SPATS2L: variants seen among roughly 807,000 people sequenced by gnomAD.
SPATS2L encodes the protein spermatogenesis associated serine rich 2 like.
In SPATS2L, 30 loss-of-function variants were observed where a neutral mutation model predicts 59.6. That is an observed-to-expected ratio of 0.50 (90% CI 0.38 to 0.68). The LOEUF is 0.68. Ranked by LOEUF, SPATS2L falls within the 30% of genes least tolerant of loss-of-function variation. The pLI, the probability that SPATS2L is intolerant of heterozygous loss-of-function variation, is 0.00. For synonymous variants in SPATS2L, 252 were observed against 263.5 expected (o/e 0.96, Z 0.42); for missense variants, 615 against 700.0 (o/e 0.88, Z 1.37).
intron 2 of SPATS2L, among the ~76,000 whole-genome samples, chr2:200,367,916 G>A (rs1238408065): frequency 6.6e-6 from 1 of 152,192 alleles, no homozygotes; most frequent in Non-Finnish European, 1.5e-5. Flanking sequence ...TTTGTCTCAT[G>A]GTTCTGATTT....
intron 2 of SPATS2L, among the ~76,000 whole-genome samples, chr2:200,379,109 C>T (rs149946337): frequency 6.6e-6 from 1 of 152,298 alleles, no homozygotes; most frequent in Non-Finnish European, 1.5e-5. Context: ...TCCTTCCCCA[C>T]TTCCTTGCCT....
intron 9 of SPATS2L, chr2:200,461,425 A>G (rs2086233403): frequency 6.6e-6 from 1 of 152,208 alleles, no homozygotes; most frequent in South Asian, 2.1e-4. Context: ...AAGAATTACC[A>G]TCTTAAATAG....
At chr2:200,350,703 G>C (rs1409508845) in intron 2 of SPATS2L, among the ~76,000 whole-genome samples, 1 of 151,768 alleles carries the variant, frequency 6.6e-6, no homozygotes, top group Non-Finnish European at 1.5e-5. Context: ...TTTTTTGTTT[G>C]TTTGTTTTTT....
chr2:200,474,155 G>T (rs998815491), intron 12 of SPATS2L, among the ~76,000 whole-genome samples: 4 of 148,888 alleles, frequency 2.7e-5, no homozygotes, highest in Non-Finnish European at 5.9e-5. Context: ...CAGGTGTCTT[G>T]TTGGGTTTTG....
intron 8 of SPATS2L, among the ~76,000 whole-genome samples, chr2:200,455,635 G>T (rs1329149772): frequency 6.6e-6 from 1 of 152,196 alleles, no homozygotes; most frequent in Non-Finnish European, 1.5e-5. Flanking sequence ...GTAGGAATGT[G>T]GTTGATGATA....
Position 200,327,278 on chromosome 2 carries a change from CCTGT to C in SPATS2L, c.-72-2152_-72-2149del, listed in dbSNP as rs575778629. Among the ~76,000 whole-genome samples the C allele has an allele frequency of 1.1e-4, 17 of 152,056 alleles. 1 individual carries two copies. The South Asian group carries it at 3.5e-3, about 32-fold the overall frequency. On this transcript the variant is annotated intron_variant, in intron 1 of 12. Transcript: ENST00000409140. ...AATTAGCCCAGTGTGGTGGCATGCACCTGTAATCCCAGCTACTTGAGAGGCCAAG... is the reference window on the plus strand; with the variant it reads ...AATTAGCCCAGTGTGGTGGCATGCACAATCCCAGCTACTTGAGAGGCCAAG...
At chr2:200,327,546 CTT>C (rs2079794840) in intron 1 of SPATS2L, among the ~76,000 whole-genome samples, 1 of 152,168 alleles carries the variant, frequency 6.6e-6, no homozygotes, top group African/African-American at 2.4e-5. Context: ...GTCTAAAAGT[CTT>C]TATTAAAAAT....
At chr2:200,379,560 A>G (rs957951941) in intron 2 of SPATS2L, among the ~76,000 whole-genome samples, 1 of 152,196 alleles carries the variant, frequency 6.6e-6, no homozygotes, top group Non-Finnish European at 1.5e-5. Flanking sequence ...GAAAGGAAGA[A>G]AGGGAACACA....
At chr2:200,344,307 G>C (rs778175362) in intron 2 of SPATS2L, among the ~76,000 whole-genome samples, 1 of 152,094 alleles carries the variant, frequency 6.6e-6, no homozygotes, top group Non-Finnish European at 1.5e-5. Context: ...ACTTATAAGT[G>C]AGAACACACA....
intron 2 of SPATS2L, among the ~76,000 whole-genome samples, chr2:200,334,318 T>C (rs2080063111): frequency 6.6e-6 from 1 of 152,248 alleles, no homozygotes; most frequent in Non-Finnish European, 1.5e-5. Flanking sequence ...TTTTGAGAAG[T>C]GTCTGTTCAT....
intron 8 of SPATS2L, among the ~76,000 whole-genome samples, chr2:200,448,968 T>C (rs1026704975): frequency 1.3e-5 from 2 of 152,114 alleles, no homozygotes; most frequent in Admixed American, 6.5e-5. Flanking sequence ...TAAACCGAAA[T>C]AAGCTCCGGG....
intron 1 of SPATS2L, among the ~76,000 whole-genome samples, chr2:200,325,003 G>C (rs1450913506): frequency 2.0e-5 from 3 of 151,956 alleles, no homozygotes; most frequent in African/African-American, 7.3e-5. Flanking sequence ...ATATCCAAGG[G>C]CAACAACTCC....
intron 1 of SPATS2L, among the ~76,000 whole-genome samples, chr2:200,327,233 A>G (rs1353334553): frequency 6.6e-6 from 1 of 151,850 alleles, no homozygotes; most frequent in Non-Finnish European, 1.5e-5. Flanking sequence ...GTGAAACCCC[A>G]TCTCTATTAA....
intron 2 of SPATS2L, among the ~76,000 whole-genome samples, chr2:200,362,794 GAT>G (rs2081150455): frequency 6.6e-6 from 1 of 152,108 alleles, no homozygotes; most frequent in South Asian, 2.1e-4. Flanking sequence ...AATATCTAAG[GAT>G]ATAAAGAAGG....
intron 3 of SPATS2L, chr2:200,390,941 C>T (rs996524519): frequency 6.6e-6 from 1 of 151,462 alleles, no homozygotes; most frequent in Non-Finnish European, 1.5e-5. Context: ...GCGGGCAGAT[C>T]GCCTGAGGTC....
intron 6 of SPATS2L, among the ~76,000 whole-genome samples, chr2:200,425,696 T>C (rs1349992611): frequency 6.6e-6 from 1 of 152,210 alleles, no homozygotes; most frequent in African/African-American, 2.4e-5. Flanking sequence ...TCATCCAACA[T>C]GTGTCAGGAA....
chr2:200,342,611 G>T (rs1260909564), intron 2 of SPATS2L, among the ~76,000 whole-genome samples: 2 of 152,230 alleles, frequency 1.3e-5, no homozygotes, highest in Non-Finnish European at 2.9e-5. Context: ...GAGAGCCAAA[G>T]GTCTCACTTT....
At chr2:200,405,810 T>C (rs2082669892) in intron 3 of SPATS2L, among the ~76,000 whole-genome samples, 1 of 152,168 alleles carries the variant, frequency 6.6e-6, no homozygotes, top group Admixed American at 6.5e-5. Context: ...ATTGCTGTCC[T>C]TATCATAGGG....
chr2:200,480,490 C>T lies in SPATS2L; in HGVS notation c.*2459C>T, dbSNP rs1373793696. The stretch of plus-strand genomic sequence containing the variant: ...CTCCTGGGCTCAAGCCATCCTCAGC[C>T]TCCCAAGTTGCGAGGACTACAGGTG... On this transcript the variant is annotated 3_prime_UTR_variant, in exon 13 of 13. Coordinates refer to ENST00000409140, the MANE Select transcript of SPATS2L (RefSeq NM_001100423.2). 6.6e-6 allele frequency: 1 copy of T among 152,204 alleles called. No homozygotes were observed. The highest frequency in any genetic ancestry group is 1.5e-5 in the Non-Finnish European group (1 of 68,098). 9.4% of individuals were successfully genotyped at this position (152,204 alleles called of 1,614,324 possible). A position where few individuals can be genotyped will look rare whatever the true frequency, so the allele number is the denominator to read the frequency against.
Sources: allele counts gnomAD v4.1 joint callset (sites outside exome capture counted in the v4.1 genomes callset), GRCh38; gene constraint gnomAD v4.1.1; transcripts MANE v1.5; gene names NCBI Gene and HGNC (gene_info 2026-07-23, HGNC 2026-07-21).